The following HACE1 variants were observed in gnomAD, a reference collection of about 807,000 sequenced individuals.
HACE1 encodes HECT domain and ankyrin repeat containing E3 ubiquitin protein ligase 1.
HACE1 carries 73 observed loss-of-function variants against 118.4 expected under a neutral mutation model. The observed-to-expected ratio is 0.62, with a 90% CI of 0.51 to 0.75. HACE1 has a LOEUF of 0.75. Among genes scored for constraint, HACE1 ranks in the 30% least tolerant of loss-of-function variants. The pLI, the probability that HACE1 is intolerant of heterozygous loss-of-function variation, is 0.00. For missense variants in HACE1, 749 were observed against 1,102.2 expected (o/e 0.68, Z 4.54); for synonymous variants, 368 against 374.8 (o/e 0.98, Z 0.21).
intron 6 of HACE1, among the ~76,000 whole-genome samples, chr6:104,830,687 G>A (rs1270004407): frequency 3.3e-5 from 5 of 151,526 alleles, no homozygotes; most frequent in Non-Finnish European, 7.4e-5. Context: ...TTGTATCCTT[G>A]TAGTTAATGG....
intron 22 of HACE1, among the ~76,000 whole-genome samples, chr6:104,738,092 C>A (rs576132901): frequency 1.0e-3 from 156 of 151,930 alleles, no homozygotes; most frequent in Non-Finnish European, 1.6e-3. Context: ...TTCCAACAGA[C>A]CTGCAGCTGA....
intron 17 of HACE1, among the ~76,000 whole-genome samples, chr6:104,774,077 T>A (rs1179513022): frequency 7.4e-6 from 1 of 134,446 alleles, no homozygotes; most frequent in Non-Finnish European, 1.5e-5. Context: ...TATCATCTTT[T>A]CTCTTTTTTT....
In HACE1 at chr6:104,772,344, G is replaced by A. The variant is rs547933455; in HGVS notation, c.1865-270C>T. Among the ~76,000 whole-genome samples, 22 of 152,206 alleles carry A rather than the reference G, an allele frequency of 1.4e-4. No individual in the cohort carries two copies. The East Asian group carries it at 4.1e-3, about 28-fold the overall frequency. On this transcript the variant is annotated intron_variant, in intron 17 of 23. Transcript: ENST00000262903. ...GAGTACTTTTGACTGAAATTAGTTG[G>A]AAGATCATCAGAGACACTCTGGAAA... is the stretch of plus-strand genomic sequence containing the variant.
chr6:104,824,486 T>TTAGA (rs1193851296), intron 6 of HACE1, among the ~76,000 whole-genome samples: 40 of 152,120 alleles, frequency 2.6e-4, no homozygotes, highest in Admixed American at 2.6e-3. Flanking sequence ...AGGTTAAAAC[T>TTAGA]TAGATAGATG....
chr6:104,815,245 A>G lies in HACE1; in HGVS notation c.535-3852T>C, dbSNP rs573477140. On this transcript the variant is annotated intron_variant, in intron 6 of 23. Transcript: ENST00000262903. ...AGATGGAGATGAGGAACTTATTGGC[A>G]ACTGGAGTAAAGATCACTCTTGCTA... Among the ~76,000 whole-genome samples the G allele has an allele frequency of 1.4e-3, 192 of 138,626 alleles. 28 individuals carry two copies. Among genetic ancestry groups the G allele is most frequent in the Non-Finnish European group, 1.7e-3 (109 of 64,312 alleles). 90.9% of individuals were successfully genotyped at this position (138,626 alleles called of 152,430 possible). A position where few individuals can be genotyped will look rare whatever the true frequency, so the allele number is the denominator to read the frequency against.
chr6:104,766,477 A>G (rs888103205), intron 19 of HACE1, among the ~76,000 whole-genome samples: 10 of 152,208 alleles, frequency 6.6e-5, no homozygotes, highest in African/African-American at 2.2e-4. Flanking sequence ...AAAGATGCAT[A>G]TAAAGAATCC....
At chr6:104,748,256 A>AC (rs1777652103) in intron 20 of HACE1, among the ~76,000 whole-genome samples, 1 of 151,898 alleles carries the variant, frequency 6.6e-6, no homozygotes, top group African/African-American at 2.4e-5. Context: ...AAGAAAAAAA[A>AC]ACACAATAGA....
At chr6:104,797,089 G>C (rs963317394) in intron 7 of HACE1, 64 bp from the exon 8 acceptor site, 1 of 898,756 alleles carries the variant, frequency 1.1e-6, no homozygotes, top group Non-Finnish European at 1.9e-6. Context: ...ATGAATTATG[G>C]ATAGTTAATA....
At chr6:104,783,128 C>G (rs1272787831) in intron 14 of HACE1, among the ~76,000 whole-genome samples, 1 of 152,158 alleles carries the variant, frequency 6.6e-6, no homozygotes, top group Non-Finnish European at 1.5e-5. Context: ...ACTTTTCGGT[C>G]TACATGCTCC....
At position 104,859,036 on chromosome 6, in the gene HACE1, C is replaced by T. The variant is rs569803763; in HGVS notation, c.76+531G>A. On this transcript the variant is annotated intron_variant, in intron 1 of 23. Transcript: ENST00000262903. Reference sequence around the variant, plus strand: ...ATTAAAGAAAAATATATTGTGTTTACCCATACAGTACTTTAAGAGTACCTG... The same window carrying T: ...ATTAAAGAAAAATATATTGTGTTTATCCATACAGTACTTTAAGAGTACCTG... 1.1e-4 allele frequency among the ~76,000 whole-genome samples: 17 copies of T among 152,272 alleles called. No homozygotes were observed. In the East Asian group the frequency reaches 2.3e-3, roughly 21 times the overall value.
chr6:104,852,000 C>CT (rs1776255472), intron 2 of HACE1, among the ~76,000 whole-genome samples: 1 of 152,146 alleles, frequency 6.6e-6, no homozygotes. Flanking sequence ...GTAGTGACCT[C>CT]TAAAAGAAAT....
At chr6:104,738,142 G>A (rs1776151493) in intron 22 of HACE1, among the ~76,000 whole-genome samples, 1 of 151,538 alleles carries the variant, frequency 6.6e-6, no homozygotes, top group Admixed American at 6.6e-5. Context: ...AAACAGAAAG[G>A]ACATCCACAC....
At position 104,782,796 on chromosome 6, in the gene HACE1, T is replaced by A. The variant is rs1005662520; in HGVS notation, c.1566+1290A>T. Among the ~76,000 whole-genome samples, 3 of 152,222 alleles carry A rather than the reference T, an allele frequency of 2.0e-5. No individual in the cohort carries two copies. The East Asian group carries it at 5.8e-4, about 29-fold the overall frequency. ...TTATGTATAATTTTATAAAAATTAG[T>A]TCATAGCTTAACTTCTGAAAGGACA... On this transcript the variant is annotated intron_variant, in intron 14 of 23. Transcript: ENST00000262903.
chr6:104,852,265 T>C (rs1776312564), intron 2 of HACE1, 52 bp downstream of exon 2: 7 of 1,081,918 alleles, frequency 6.5e-6, no homozygotes, highest in South Asian at 6.2e-5. Context: ...AGTACACATT[T>C]AGAACAATGT....
At chr6:104,798,659 C>T (rs926464909) in intron 7 of HACE1, among the ~76,000 whole-genome samples, 3 of 152,148 alleles carry the variant, frequency 2.0e-5, no homozygotes, top group African/African-American at 7.2e-5. Flanking sequence ...TCATTAAGCT[C>T]AAAGTGTTGG....
At chr6:104,746,359 A>AC (rs1220993118) in intron 20 of HACE1, among the ~76,000 whole-genome samples, 1 of 151,958 alleles carries the variant, frequency 6.6e-6, no homozygotes, top group Non-Finnish European at 1.5e-5. Flanking sequence ...TACATTGACC[A>AC]CCCCCAAATA....
At position 104,826,720 on chromosome 6, in the gene HACE1, A is replaced by G. The variant is rs532315542; in HGVS notation, c.534+6322T>C. Among the ~76,000 whole-genome samples the G allele has an allele frequency of 1.8e-4, 27 of 152,336 alleles. No individual in the cohort carries two copies. The Middle Eastern group carries it at 0.02, about 115-fold the overall frequency. On this transcript the variant is annotated intron_variant, in intron 6 of 23. Transcript: ENST00000262903. Reference sequence around the variant, plus strand: ...ATGTATTTTTCAAGTTAATATACATAATTTTAAGAGCTACGCTACATTTAT... The same window carrying G: ...ATGTATTTTTCAAGTTAATATACATGATTTTAAGAGCTACGCTACATTTAT...
At chr6:104,765,348 G>A (rs1779871701) in intron 19 of HACE1, among the ~76,000 whole-genome samples, 1 of 152,322 alleles carries the variant, frequency 6.6e-6, no homozygotes, top group South Asian at 2.1e-4. Context: ...GCCTATCATG[G>A]CAAATTTACA....
intron 5 of HACE1, among the ~76,000 whole-genome samples, chr6:104,841,115 T>C (rs1464320604): frequency 6.9e-6 from 1 of 145,288 alleles, no homozygotes; most frequent in African/African-American, 2.5e-5. Flanking sequence ...TGAGACTCTG[T>C]CTCAAAAAAA....
Sources: allele counts gnomAD v4.1 joint callset (sites outside exome capture counted in the v4.1 genomes callset), GRCh38; gene constraint gnomAD v4.1.1; transcripts MANE v1.5; gene names NCBI Gene and HGNC (gene_info 2026-07-23, HGNC 2026-07-21).